The following CLIC2 variants were observed in gnomAD, a reference collection of about 807,000 sequenced individuals.
CLIC2 encodes the protein chloride intracellular channel protein 2.
CLIC2 carries 9 observed loss-of-function variants against 14.8 expected under a neutral mutation model. The observed-to-expected ratio is 0.61, with a 90% CI of 0.37 to 1.06. The LOEUF is 1.06. Ranked by LOEUF, CLIC2 falls within the 50% of genes least tolerant of loss-of-function variation. The pLI is 0.01. For missense variants in CLIC2, 148 were observed against 181.4 expected, an observed-to-expected ratio of 0.82 and a Z score of 1.06; for synonymous variants, 61 against 66.3, an observed-to-expected ratio of 0.92 and a Z score of 0.39.
At chrX:155,333,067 A>C (rs1367501275) in intron 1 of CLIC2, among the ~76,000 whole-genome samples, 22 of 112,262 alleles carry the variant, frequency 2.0e-4, no homozygotes, top group Admixed American at 1.9e-3. Context: ...ATTACCTAGC[A>C]CTGCAGGAAT....
intron 1 of CLIC2, among the ~76,000 whole-genome samples, chrX:155,308,141 G>A (rs1238020253): frequency 9.1e-6 from 1 of 109,728 alleles, no homozygotes; most frequent in Admixed American, 9.8e-5. Flanking sequence ...CAAAATAACT[G>A]TTTTGAGGAA....
chrX:155,287,825 A>C (rs183635054), intron 3 of CLIC2, among the ~76,000 whole-genome samples: 38 of 112,127 alleles, frequency 3.4e-4, no homozygotes, highest in Admixed American at 2.4e-3. Context: ...CTGAATCTTT[A>C]GATTGCTTTG....
chrX:155,327,485 A>T (rs1557322447), intron 1 of CLIC2, among the ~76,000 whole-genome samples: 1 of 111,314 alleles, frequency 9.0e-6, no homozygotes, highest in African/African-American at 3.3e-5. Context: ...ATGTAACTAA[A>T]ATAAAATAAA....
At chrX:155,291,698 C>A (rs781962218) in intron 3 of CLIC2, among the ~76,000 whole-genome samples, 7 of 111,818 alleles carry the variant, frequency 6.3e-5, no homozygotes, top group Non-Finnish European at 1.3e-4. Flanking sequence ...ACCAAATGAT[C>A]AAACAACATA....
chrX:155,296,694 T>C (rs1483899624), intron 3 of CLIC2, among the ~76,000 whole-genome samples: 1 of 110,608 alleles, frequency 9.0e-6, no homozygotes, highest in Admixed American at 9.6e-5. Context: ...ATGGCCAAAA[T>C]GTACATAAAG....
Position 155,279,277 on chromosome X carries a change from T to C in CLIC2, c.454A>G (p.Thr152Ala), listed in dbSNP as rs1557316156. 1 of 1,209,902 alleles carries C rather than the reference T, an allele frequency of 8.3e-7. No individual in the cohort carries two copies. Among genetic ancestry groups the C allele is most frequent in the Admixed American group, 2.2e-5 (1 of 46,044 alleles). Residue 152 changes from threonine to alanine, a missense_variant, in exon 5 of 6, where the codon ACC becomes GCC. Coordinates refer to ENST00000369449, the MANE Select transcript of CLIC2 (RefSeq NM_001289.6). ...EFKRLDDYLN[T>A]PLLDEIDPDS... ...GGATCAATTTCATCCAGAAGTGGGG[T>C]GTTTAAGTAGTCATCCAGACGCTTG...
rs782547045 is a variant in CLIC2 at position 155,279,970 on chromosome X, G to A, written c.392C>T (p.Ala131Val). ...SAYIKNTQKE[A>V]NKNFEKSLLK... ...AAAGAAAGGTATCTTACTCTTATTTGCCTCCTTTTGTGTATTCTTAATGTA... is the reference window on the plus strand; with the variant it reads ...AAAGAAAGGTATCTTACTCTTATTTACCTCCTTTTGTGTATTCTTAATGTA... The change falls in exon 4 of 6, where the codon GCA (alanine) becomes GTA (valine). Residue 131 changes from alanine (A) to valine (V), a missense_variant. Ala to Val is a moderately conservative substitution (Grantham distance 64). Transcript: ENST00000369449. 8.5e-7 allele frequency: 1 copy of A among 1,172,750 alleles called. No homozygotes were observed. The highest frequency in any genetic ancestry group is 1.8e-5 in the African/African-American group (1 of 56,469).
chrX:155,293,213 G>T (rs191224456), intron 3 of CLIC2: 143 of 833,865 alleles, frequency 1.7e-4, no homozygotes, highest in Admixed American at 4.2e-4. Context: ...TCTTTCCAGG[G>T]AAGACAGAAA....
At chrX:155,331,889 ATCTCT>A (rs1266139840) in intron 1 of CLIC2, among the ~76,000 whole-genome samples, 1 of 111,414 alleles carries the variant, frequency 9.0e-6, no homozygotes, top group African/African-American at 3.3e-5. Context: ...GTAGAGTATC[ATCTCT>A]TCCTTCTTTC....
intron 3 of CLIC2, among the ~76,000 whole-genome samples, chrX:155,287,961 C>T (rs924286994): frequency 9.0e-6 from 1 of 111,617 alleles, no homozygotes; most frequent in African/African-American, 3.3e-5. Context: ...AGATATCCTT[C>T]ACCTCCTGAG....
At position 155,321,233 on chromosome X, in the gene CLIC2, G is replaced by A. The variant is rs148996976; in HGVS notation, c.57+13138C>T. 3.1e-4 allele frequency among the ~76,000 whole-genome samples: 34 copies of A among 111,016 alleles called. No individual in the cohort carries two copies. The Admixed American group carries it at 3.2e-3, about 10-fold the overall frequency. ...AGAGAACACCACAAAGATACTCCTC[G>A]AGAAGAGCAACCCCAAGACACATAA... On this transcript the variant is annotated intron_variant, in intron 1 of 5. Transcript: ENST00000369449.
intron 3 of CLIC2, among the ~76,000 whole-genome samples, chrX:155,282,133 C>T (rs1460851128): frequency 6.3e-5 from 7 of 111,719 alleles, no homozygotes; most frequent in Admixed American, 3.8e-4. Context: ...GCTCCTACCC[C>T]AGAGCCTTTT....
intron 1 of CLIC2, among the ~76,000 whole-genome samples, chrX:155,300,898 C>A (rs2075014706): frequency 1.3e-5 from 1 of 75,624 alleles, no homozygotes; most frequent in Non-Finnish European, 2.9e-5. Flanking sequence ...AGATATGCAG[C>A]GTTATTTCTG....
intron 3 of CLIC2, among the ~76,000 whole-genome samples, chrX:155,295,098 C>T (rs1557318205): frequency 9.0e-6 from 1 of 111,543 alleles, no homozygotes. Context: ...TTCTGATGAA[C>T]ATAGATACAA....
intron 1 of CLIC2, among the ~76,000 whole-genome samples, chrX:155,327,939 G>A (rs116024322): frequency 0.014 from 1,519 of 111,164 alleles, 30 homozygotes; most frequent in African/African-American, 0.046. Context: ...TGCTGAAAAA[G>A]CATTTGATAA....
intron 3 of CLIC2, among the ~76,000 whole-genome samples, chrX:155,295,301 T>TA (rs1188752925): frequency 9.0e-6 from 1 of 111,098 alleles, no homozygotes; most frequent in African/African-American, 3.3e-5. Flanking sequence ...GAAAAAGCAT[T>TA]TGATAAAATT....
chrX:155,326,418 T>C (rs1216726046), intron 1 of CLIC2, among the ~76,000 whole-genome samples: 1 of 111,358 alleles, frequency 9.0e-6, no homozygotes, highest in Admixed American at 9.5e-5. Flanking sequence ...GCTTTCAAAA[T>C]AGTTAAGATA....
intron 3 of CLIC2, among the ~76,000 whole-genome samples, chrX:155,293,676 C>G (rs2074982802): frequency 1.8e-5 from 2 of 111,653 alleles, no homozygotes; most frequent in African/African-American, 6.5e-5. Context: ...AGAGACTCAC[C>G]TCACTAGTAA....
At chrX:155,325,838 C>T (rs2075135794) in intron 1 of CLIC2, among the ~76,000 whole-genome samples, 2 of 92,957 alleles carry the variant, frequency 2.2e-5, no homozygotes, top group Admixed American at 2.4e-4. Flanking sequence ...GAATACTACT[C>T]AGCCATAAAA....
Sources: allele counts gnomAD v4.1 joint callset (sites outside exome capture counted in the v4.1 genomes callset), GRCh38; gene constraint gnomAD v4.1.1; transcripts MANE v1.5; gene names NCBI Gene and HGNC (gene_info 2026-07-23, HGNC 2026-07-21).